The following CEP152 variants were observed in gnomAD, a reference collection of about 807,000 sequenced individuals.
The protein encoded by CEP152 is centrosomal protein of 152 kDa.
CEP152 carries 132 observed loss-of-function variants against 188.9 expected under a neutral mutation model. The ratio of observed to expected loss-of-function variants is 0.70; its 90% CI spans 0.61 to 0.81. The LOEUF (loss-of-function observed/expected upper bound fraction) is 0.81. Ranked by LOEUF, CEP152 falls within the 30% of genes least tolerant of loss-of-function variation. The pLI is 0.00. For synonymous variants in CEP152, 649 were observed against 666.6 expected, an observed-to-expected ratio of 0.97 and a Z score of 0.41; for missense variants, 1,914 against 1,969.8, an observed-to-expected ratio of 0.97 and a Z score of 0.54.
At chr15:48,786,592 GGGCTTCTGTTA>G (rs1463970094) in intron 9 of CEP152, among the ~76,000 whole-genome samples, 1 of 152,154 alleles carries the variant, frequency 6.6e-6, no homozygotes, top group East Asian at 1.9e-4. Flanking sequence ...GCCGAGGTCT[GGGCTTCTGTTA>G]GGCGCTTTGG....
At chr15:48,767,936 A>G (rs891574563) in intron 15 of CEP152, among the ~76,000 whole-genome samples, 1 of 152,214 alleles carries the variant, frequency 6.6e-6, no homozygotes, top group Non-Finnish European at 1.5e-5. Flanking sequence ...TATAAAGAAT[A>G]GTTTCCCAGA....
intron 9 of CEP152, 95 bp from the exon 10 acceptor site, chr15:48,784,215 A>T (rs749177254): frequency 8.2e-7 from 1 of 1,225,338 alleles, no homozygotes; most frequent in Non-Finnish European, 1.2e-6. Context: ...TTGATGTCAA[A>T]CACAAGATCA....
chr15:48,737,356 A>G (rs1566969879), downstream of CEP152, among the ~76,000 whole-genome samples: 1 of 152,210 alleles, frequency 6.6e-6, no homozygotes, highest in South Asian at 2.1e-4. Flanking sequence ...ACCCATCGCT[A>G]GGGATCTGAA....
rs74012140 is a variant in CEP152 at position 48,753,670 on chromosome 15, A to G, written c.3346-1201T>C. On this transcript the variant is annotated intron_variant, in intron 20 of 26. Transcript: ENST00000380950. ...GGGAAGAAAAGTCAAGATAACAGAA[A>G]AGGGAGAAAAGCAACAACCTTTTTG... is the stretch of plus-strand genomic sequence containing the variant. Among the ~76,000 whole-genome samples the G allele has an allele frequency of 5.3e-3, 814 of 152,282 alleles. 8 individuals are homozygous for G. Among genetic ancestry groups the G allele is most frequent in the African/African-American group, 0.019 (783 of 41,550 alleles).
At chr15:48,737,293 G>C (rs1180549170), downstream of CEP152, among the ~76,000 whole-genome samples, 1 of 152,164 alleles carries the variant, frequency 6.6e-6, no homozygotes, top group Admixed American at 6.6e-5. Flanking sequence ...AGATGTGAGA[G>C]AAAGCTATAG....
intron 26 of CEP152, chr15:48,740,573 G>C (rs1260428616): frequency 1.0e-5 from 1 of 99,034 alleles, no homozygotes; most frequent in South Asian, 3.4e-4. Flanking sequence ...TCCTTTACCA[G>C]TTTTAAAGTT....
chr15:48,760,339 A>C, intron 18 of CEP152, 73 bp from the exon 19 acceptor site: 2 of 1,558,568 alleles, frequency 1.3e-6, no homozygotes, highest in East Asian at 2.2e-5. Context: ...TTAAACAGCA[A>C]TTATGATTTC....
chr15:48,758,484 G>A (rs544187198), intron 19 of CEP152, among the ~76,000 whole-genome samples: 8 of 152,186 alleles, frequency 5.3e-5, no homozygotes, highest in African/African-American at 1.2e-4. Flanking sequence ...TTGGGAGGCC[G>A]AGGTGGGCAA....
intron 25 of CEP152, 121 bp downstream of exon 25, chr15:48,741,826 C>A: frequency 6.2e-7 from 1 of 1,609,376 alleles, no homozygotes; most frequent in Non-Finnish European, 8.5e-7. Context: ...CCATAAACCT[C>A]TCTTAACCCC....
chr15:48,778,949 CAAA>C (rs71432268), intron 12 of CEP152, among the ~76,000 whole-genome samples: 2 of 85,384 alleles, frequency 2.3e-5, no homozygotes, highest in Non-Finnish European at 4.7e-5. Flanking sequence ...AACTCCATCT[CAAA>C]AAAAAAAAAA....
chr15:48,736,656 T>C (rs1892615472), downstream of CEP152, among the ~76,000 whole-genome samples: 1 of 152,070 alleles, frequency 6.6e-6, no homozygotes, highest in Non-Finnish European at 1.5e-5. Flanking sequence ...TCCAACCAAT[T>C]GGATATAGGA....
At chr15:48,793,579 C>A in intron 6 of CEP152, 118 bp from the exon 7 acceptor site, 3 of 853,558 alleles carry the variant, frequency 3.5e-6, no homozygotes, top group Non-Finnish European at 5.6e-6. Context: ...GAAATCAATT[C>A]AGTGAATTGT....
At chr15:48,787,161 T>G (rs1896694694) in intron 9 of CEP152, among the ~76,000 whole-genome samples, 1 of 114,170 alleles carries the variant, frequency 8.8e-6, no homozygotes, top group Admixed American at 1.1e-4. Context: ...GGTATAGCCT[T>G]CGTTTTTTTT....
rs1555420623 is a variant in CEP152 at position 48,762,660 on chromosome 15, G to A, written c.2293C>T (p.Leu765Phe). Residue 765 changes from leucine to phenylalanine, a missense_variant, in exon 18 of 27, where the codon CTC becomes TTC. Coordinates refer to ENST00000380950, the MANE Select transcript of CEP152 (RefSeq NM_001194998.2). ...QQTQEKIKEKLIQQLEKEWQS... is the reference protein window; with the variant it reads ...QQTQEKIKEKFIQQLEKEWQS... Reference sequence around the variant, plus strand: ...CACTCCTTTTCAAGCTGTTGAATGAGTTTTTCTTTGATCTGTTTTCAGAAG... The same window carrying A: ...CACTCCTTTTCAAGCTGTTGAATGAATTTTTCTTTGATCTGTTTTCAGAAG... The A allele has an allele frequency of 6.2e-7, 1 of 1,613,442 alleles. No homozygotes were observed. Among genetic ancestry groups the A allele is most frequent in the Non-Finnish European group, 8.5e-7 (1 of 1,179,920 alleles).
intron 18 of CEP152, 71 bp from the exon 19 acceptor site, chr15:48,760,337 C>A: frequency 6.4e-7 from 1 of 1,560,914 alleles, no homozygotes; most frequent in Non-Finnish European, 8.8e-7. Context: ...TTTTAAACAG[C>A]AATTATGATT....
Position 48,742,026 on chromosome 15 carries a change from GT to G in CEP152, c.3909del (p.Glu1303AspfsTer14). The G allele has an allele frequency of 6.2e-7, 1 of 1,614,090 alleles. No individual in the cohort carries two copies. Among genetic ancestry groups the G allele is most frequent in the Non-Finnish European group, 8.5e-7 (1 of 1,180,002 alleles). On this transcript the variant is annotated frameshift_variant, in exon 25 of 27. Coordinates refer to ENST00000380950, the MANE Select transcript of CEP152 (RefSeq NM_001194998.2). LOFTEE classifies it high-confidence loss of function. ...AEMVKAEVLR[E>X]RQETARKMRK... ...CGCATCTTTCGGGCGGTTTCTTGACGTTCTCGCAGTACCTCTGCTTTTACCA... is the reference window on the plus strand; with the variant it reads ...CGCATCTTTCGGGCGGTTTCTTGACGTCTCGCAGTACCTCTGCTTTTACCA...
In CEP152 at chr15:48,767,055, T is replaced by G. The variant is rs781372125; in HGVS notation, c.2280+5A>C. 1.9e-6 allele frequency: 3 copies of G among 1,612,562 alleles called. No homozygotes were observed. Among genetic ancestry groups the G allele is most frequent in the Non-Finnish European group, 2.5e-6 (3 of 1,179,994 alleles). ...ATGTCGATACAACATAAACTTGTAC[T>G]GTACCTTCTCCTGAGTCTGTTGCTC... On this transcript the variant is annotated splice_donor_5th_base_variant and intron_variant, in intron 17 of 26. Coordinates refer to ENST00000380950, the MANE Select transcript of CEP152 (RefSeq NM_001194998.2).
In CEP152 at chr15:48,796,179, C is replaced by T; in HGVS notation, c.541-19G>A. The T allele has an allele frequency of 6.2e-7, 1 of 1,612,728 alleles. No homozygotes were observed. The highest frequency in any genetic ancestry group is 8.5e-7 in the Non-Finnish European group (1 of 1,179,322). The stretch of plus-strand genomic sequence containing the variant: ...TGGGACCCTGTGATAACAAATGAAA[C>T]TGACAATTAAGATTTGGCCTTTTCT... On this transcript the variant is annotated intron_variant, in intron 5 of 26. Coordinates refer to ENST00000380950, the MANE Select transcript of CEP152 (RefSeq NM_001194998.2).
chr15:48,798,606 G>A (rs958407431), intron 2 of CEP152, among the ~76,000 whole-genome samples: 6 of 152,164 alleles, frequency 3.9e-5, no homozygotes, highest in South Asian at 4.1e-4. Context: ...AAGATGAAAA[G>A]ATACATAATA....
Sources: gnomAD v4.1 joint callset for allele counts (sites outside exome capture counted in the v4.1 genomes callset) on GRCh38, gnomAD v4.1.1 for gene constraint, MANE v1.5 for transcripts, NCBI Gene and HGNC (gene_info 2026-07-23, HGNC 2026-07-21) for gene names.